LSAMP: variants seen among roughly 807,000 people sequenced by gnomAD.
LSAMP encodes the protein limbic system associated membrane protein, also known as limbic system-associated membrane protein.
LSAMP carries 7 observed loss-of-function variants against 38.6 expected under a neutral mutation model. The observed-to-expected ratio is 0.18, with a 90% CI of 0.10 to 0.34. The LOEUF is 0.34. Ranked by LOEUF, LSAMP falls within the 10% of genes least tolerant of loss-of-function variation. The pLI, the probability that LSAMP is intolerant of heterozygous loss-of-function variation, is 1.00. For synonymous variants in LSAMP, 154 were observed against 166.8 expected (o/e 0.92, Z 0.59); for missense variants, 313 against 420.0 (o/e 0.75, Z 2.23).
intron 1 of LSAMP, among the ~76,000 whole-genome samples, chr3:116,183,061 G>C (rs1461138): frequency 0.22 from 32,967 of 151,632 alleles, 3,690 homozygotes; most frequent in African/African-American, 0.25. Flanking sequence ...CTTATTGATA[G>C]ATTTTGACTT....
At chr3:116,063,863 T>C (rs1473609589) in intron 2 of LSAMP, among the ~76,000 whole-genome samples, 1 of 152,210 alleles carries the variant, frequency 6.6e-6, no homozygotes, top group East Asian at 1.9e-4. Flanking sequence ...ATCAAATCTA[T>C]TATGTTGCGT....
At chr3:115,883,493 G>T (rs1936373935) in intron 3 of LSAMP, among the ~76,000 whole-genome samples, 2 of 152,008 alleles carry the variant, frequency 1.3e-5, no homozygotes, top group African/African-American at 4.8e-5. Flanking sequence ...ATGGAACCAG[G>T]GTTGGAAAAT....
At chr3:116,020,224 A>G (rs1251047913) in intron 2 of LSAMP, among the ~76,000 whole-genome samples, 1 of 152,204 alleles carries the variant, frequency 6.6e-6, no homozygotes, top group African/African-American at 2.4e-5. Context: ...CTTAGAACTT[A>G]AAACGTGAAT....
intron 1 of LSAMP, among the ~76,000 whole-genome samples, chr3:116,436,553 A>G (rs1299083652): frequency 6.6e-6 from 1 of 152,214 alleles, no homozygotes; most frequent in African/African-American, 2.4e-5. Flanking sequence ...CAATTCTCAA[A>G]AGAAGATATA....
intron 1 of LSAMP, among the ~76,000 whole-genome samples, chr3:116,175,813 G>C (rs1297589585): frequency 6.6e-6 from 1 of 152,068 alleles, no homozygotes; most frequent in Non-Finnish European, 1.5e-5. Context: ...CTAAGAAGCA[G>C]AGCCAAAGTT....
intron 2 of LSAMP, among the ~76,000 whole-genome samples, chr3:116,021,873 G>C (rs1214159342): frequency 6.6e-6 from 1 of 151,804 alleles, no homozygotes; most frequent in African/African-American, 2.4e-5. Context: ...TGTCACACCA[G>C]TTAAGCCACT....
At chr3:116,128,113 C>G (rs78321201) in intron 1 of LSAMP, among the ~76,000 whole-genome samples, 3,504 of 152,156 alleles carry the variant, frequency 0.023, 129 homozygotes, top group African/African-American at 0.08. Flanking sequence ...TCAATTAACA[C>G]TTATGGAATA....
intron 1 of LSAMP, among the ~76,000 whole-genome samples, chr3:116,145,436 A>T (rs1367031285): frequency 1.3e-5 from 2 of 151,980 alleles, no homozygotes. Flanking sequence ...AAATTCCAGC[A>T]GGCATTAATG....
chr3:115,838,042 C>T (rs1245937574), intron 6 of LSAMP: 2 of 152,200 alleles, frequency 1.3e-5, no homozygotes, highest in Non-Finnish European at 2.9e-5. Flanking sequence ...TAAGGAGGGT[C>T]GAACTGGCTC....
chr3:116,137,019 G>A (rs1044961836), intron 1 of LSAMP, among the ~76,000 whole-genome samples: 1 of 152,158 alleles, frequency 6.6e-6, no homozygotes, highest in African/African-American at 2.4e-5. Context: ...AAGGTTTTAG[G>A]GAAGAATCCT....
chr3:116,403,529 C>A (rs2048864593), intron 1 of LSAMP, among the ~76,000 whole-genome samples: 1 of 151,896 alleles, frequency 6.6e-6, no homozygotes. Flanking sequence ...TTTAACAAAT[C>A]TACAACTTGA....
At chr3:116,212,091 T>C (rs1380455640) in intron 1 of LSAMP, among the ~76,000 whole-genome samples, 1 of 152,166 alleles carries the variant, frequency 6.6e-6, no homozygotes, top group Non-Finnish European at 1.5e-5. Context: ...GACACAGAAT[T>C]TTATTGCTTG....
intron 3 of LSAMP, among the ~76,000 whole-genome samples, chr3:115,932,531 A>C (rs1445800712): frequency 2.6e-5 from 4 of 152,248 alleles, no homozygotes; most frequent in Non-Finnish European, 5.9e-5. Flanking sequence ...CAGAATAGAC[A>C]ATGATGTGAA....
intron 3 of LSAMP, among the ~76,000 whole-genome samples, chr3:115,970,399 A>G (rs1938976301): frequency 6.6e-6 from 1 of 152,196 alleles, no homozygotes. Flanking sequence ...TATAACAGTA[A>G]TCATAATACT....
chr3:116,417,613 C>T (rs992273960), intron 1 of LSAMP, among the ~76,000 whole-genome samples: 1 of 152,066 alleles, frequency 6.6e-6, no homozygotes, highest in East Asian at 1.9e-4. Context: ...GACAAGAAAA[C>T]ACAAATCAGA....
intron 3 of LSAMP, among the ~76,000 whole-genome samples, chr3:115,859,671 T>C (rs893661123): frequency 2.0e-5 from 3 of 152,212 alleles, no homozygotes; most frequent in Non-Finnish European, 4.4e-5. Flanking sequence ...TGGCTTTGGC[T>C]CTATGAATGA....
intron 1 of LSAMP, among the ~76,000 whole-genome samples, chr3:116,208,556 T>A (rs1295403763): frequency 6.6e-6 from 1 of 152,212 alleles, no homozygotes; most frequent in Non-Finnish European, 1.5e-5. Flanking sequence ...TCTTTGATGA[T>A]GGTGATGTAC....
chr3:116,376,566 T>C (rs1038197164), intron 1 of LSAMP, among the ~76,000 whole-genome samples: 3 of 152,072 alleles, frequency 2.0e-5, no homozygotes, highest in African/African-American at 7.2e-5. Flanking sequence ...ATAATATTTT[T>C]GTACTATTAA....
At chr3:116,020,761 G>A (rs1940616393) in intron 2 of LSAMP, among the ~76,000 whole-genome samples, 1 of 152,180 alleles carries the variant, frequency 6.6e-6, no homozygotes, top group African/African-American at 2.4e-5. Flanking sequence ...ATTACAAATA[G>A]CAGGGTTTAT....
Sources: gnomAD v4.1 joint callset for allele counts (sites outside exome capture counted in the v4.1 genomes callset) on GRCh38, gnomAD v4.1.1 for gene constraint, MANE v1.5 for transcripts, NCBI Gene and HGNC (gene_info 2026-07-23, HGNC 2026-07-21) for gene names.